The following SEZ6L2 variants were observed in gnomAD, a reference collection of about 807,000 sequenced individuals.
The protein encoded by SEZ6L2 is seizure 6-like protein 2.
A neutral mutation model predicts 97.0 loss-of-function variants in SEZ6L2; 44 were observed. That is an observed-to-expected ratio of 0.45 (90% confidence interval 0.36 to 0.58). The LOEUF is 0.58. Ranked by LOEUF, SEZ6L2 falls within the 20% of genes least tolerant of loss-of-function variation. The pLI, the probability that SEZ6L2 is intolerant of heterozygous loss-of-function variation, is 0.00. For missense variants in SEZ6L2, 1,086 were observed against 1,233.3 expected (o/e 0.88, Z 1.79); for synonymous variants, 543 against 546.1 (o/e 0.99, Z 0.08).
intron 5 of SEZ6L2, among the ~76,000 whole-genome samples, chr16:29,893,866 G>A (rs575356537): frequency 8.5e-5 from 13 of 152,120 alleles, no homozygotes; most frequent in Middle Eastern, 3.4e-3. Flanking sequence ...CACGCTGTTT[G>A]TGTTTTTGTT....
chr16:29,877,083 C>A, intron 11 of SEZ6L2, 133 bp from the exon 12 acceptor site: 1 of 1,121,520 alleles, frequency 8.9e-7, no homozygotes, highest in African/African-American at 1.6e-5. Context: ...GGTTTCCTGT[C>A]GCCCAGGCTG....
chr16:29,892,722 G>A (rs761516042), intron 5 of SEZ6L2, among the ~76,000 whole-genome samples: 3 of 152,218 alleles, frequency 2.0e-5, no homozygotes, highest in Admixed American at 6.5e-5. Flanking sequence ...AAGGCCATGC[G>A]GTGATGTGAA....
chr16:29,889,025 T>C (rs2068210752), intron 5 of SEZ6L2, among the ~76,000 whole-genome samples: 1 of 152,190 alleles, frequency 6.6e-6, no homozygotes, highest in African/African-American at 2.4e-5. Context: ...ACTCATTTGT[T>C]GTGTGACTTC....
At chr16:29,896,684 G>C (rs1431889218) in intron 3 of SEZ6L2, 138 bp downstream of exon 3, 4 of 721,404 alleles carry the variant, frequency 5.5e-6, no homozygotes, top group Non-Finnish European at 9.4e-6. Context: ...TAAGGGTACA[G>C]AAATGCTACC....
chr16:29,896,012 G>C lies in SEZ6L2; in HGVS notation c.512-152C>G, dbSNP rs2068380040. The C allele has an allele frequency of 7.6e-6, 6 of 790,274 alleles. No individual in the cohort carries two copies. In the South Asian group the frequency reaches 1.0e-4, roughly 13 times the overall value. 49.0% of individuals were successfully genotyped at this position (790,274 alleles called of 1,614,324 possible). The stretch of plus-strand genomic sequence containing the variant: ...GGGTCTCGCTCTGTCACCCAGGCTG[G>C]AGTGCAGTGGTGCAATCATGGCTCA... On this transcript the variant is annotated intron_variant, in intron 3 of 17. Transcript: ENST00000617533.
At chr16:29,890,951 T>C (rs1266612386) in intron 5 of SEZ6L2, among the ~76,000 whole-genome samples, 1 of 151,372 alleles carries the variant, frequency 6.6e-6, no homozygotes, top group East Asian at 1.9e-4. Flanking sequence ...TTTATTATTA[T>C]TATTTTTTGA....
Position 29,873,524 on chromosome 16 carries a change from T to G in SEZ6L2, c.2296+14A>C. 1 of 1,614,110 alleles carries G rather than the reference T, an allele frequency of 6.2e-7. No individual in the cohort carries two copies. Among genetic ancestry groups the G allele is most frequent in the Non-Finnish European group, 8.5e-7 (1 of 1,179,990 alleles). ...GCTACCCAGCCACCCTCCCAGGGTGTGCCCCAGACTCACAGGCGCATTTGG... is the reference window on the plus strand; with the variant it reads ...GCTACCCAGCCACCCTCCCAGGGTGGGCCCCAGACTCACAGGCGCATTTGG... On this transcript the variant is annotated intron_variant, in intron 13 of 17. Coordinates refer to ENST00000617533, the MANE Select transcript of SEZ6L2 (RefSeq NM_001243332.2). This position sits in a 1 kb window ranked among gnomAD's most constrained non-coding sequence, Gnocchi z 4.3.
At chr16:29,895,647 C>A in intron 4 of SEZ6L2, 74 bp downstream of exon 4, 1 of 1,532,144 alleles carries the variant, frequency 6.5e-7, no homozygotes, top group Non-Finnish European at 8.8e-7. Flanking sequence ...GGCTCCCAGG[C>A]CAAACCCGTG....
intron 6 of SEZ6L2, 143 bp from the exon 7 acceptor site, chr16:29,887,960 C>G: frequency 1.2e-6 from 1 of 860,610 alleles, no homozygotes; most frequent in Non-Finnish European, 1.7e-6. Context: ...CATGGAGTCA[C>G]TCCAGAGGAT....
chr16:29,882,638 C>A (rs1387243344), intron 8 of SEZ6L2, among the ~76,000 whole-genome samples: 1 of 151,630 alleles, frequency 6.6e-6, no homozygotes, highest in African/African-American at 2.4e-5. Context: ...TAGGCTGGAG[C>A]GTGCAATGGT....
intron 5 of SEZ6L2, among the ~76,000 whole-genome samples, chr16:29,892,919 T>C (rs960861026): frequency 6.6e-6 from 1 of 152,224 alleles, no homozygotes; most frequent in Admixed American, 6.5e-5. Context: ...GTGCAGGTCA[T>C]CTGTCATAGG....
chr16:29,889,153 T>C (rs1455721087), intron 5 of SEZ6L2, among the ~76,000 whole-genome samples: 1 of 152,190 alleles, frequency 6.6e-6, no homozygotes, highest in East Asian at 1.9e-4. Flanking sequence ...ACAAAGATTA[T>C]GTGACCTGGC....
In SEZ6L2 at chr16:29,880,038, G is replaced by T; in HGVS notation, c.1399C>A (p.Pro467Thr). Residue 467 changes from proline (P) to threonine (T), a missense_variant, in exon 9 of 18, where the codon CCC (proline) becomes ACC (threonine). Coordinates refer to ENST00000617533, the MANE Select transcript of SEZ6L2 (RefSeq NM_001243332.2). ...GTGACATTTCCATGTGCCAGGAAGG[G>T]GGCGAAGCAGCGATCCTCCTCAAAG... ...EAFEEDRCFA[P>T]FLAHGNVTTT... The T allele has an allele frequency of 1.2e-6, 2 of 1,614,196 alleles. No individual in the cohort carries two copies. Among genetic ancestry groups the T allele is most frequent in the Non-Finnish European group, 1.7e-6 (2 of 1,180,016 alleles).
chr16:29,881,513 A>G (rs955563348), intron 8 of SEZ6L2, among the ~76,000 whole-genome samples: 1 of 152,152 alleles, frequency 6.6e-6, no homozygotes, highest in Non-Finnish European at 1.5e-5. Context: ...AAGTCAGCAA[A>G]AGTGAACATT....
At position 29,873,576 on chromosome 16, in the gene SEZ6L2, C is replaced by T; in HGVS notation, c.2258G>A (p.Gly753Asp). 1 of 1,614,172 alleles carries T rather than the reference C, an allele frequency of 6.2e-7. No individual in the cohort carries two copies. Among genetic ancestry groups the T allele is most frequent in the Non-Finnish European group, 8.5e-7 (1 of 1,180,016 alleles). Reference sequence around the variant, plus strand: ...GACCCTATCGCTCCACTTGGGTGTGCCTGTGTCCCGGCTGTAGCAGGTGAG... The same window carrying T: ...GACCCTATCGCTCCACTTGGGTGTGTCTGTGTCCCGGCTGTAGCAGGTGAG... Reference protein sequence around the residue: ...AMLTCYSRDTGTPKWSDRVPK... With the variant: ...AMLTCYSRDTDTPKWSDRVPK... Residue 753 changes from glycine to aspartate, a missense_variant, in exon 13 of 18, where the codon GGC becomes GAC. Physicochemically the swap from Gly to Asp is moderately conservative, Grantham distance 94 (BLOSUM62 -1). Around this residue, in one of 2 missense-constraint regions of SEZ6L2, gnomAD observed 310 missense variants for 438.6 expected, o/e 0.71. Transcript: ENST00000617533. The surrounding 1 kb of genome is among the most constrained non-coding windows in gnomAD (Gnocchi z 4.3).
At chr16:29,882,010 G>A (rs1473692028) in intron 8 of SEZ6L2, among the ~76,000 whole-genome samples, 4 of 146,862 alleles carry the variant, frequency 2.7e-5, no homozygotes, top group Admixed American at 2.1e-4. Context: ...TCGCTCTGTC[G>A]CCCAGGCTGG....
At chr16:29,888,807 T>C in intron 5 of SEZ6L2, 82 bp from the exon 6 acceptor site, 1 of 1,289,662 alleles carries the variant, frequency 7.8e-7, no homozygotes. Context: ...TTCCCCCCTC[T>C]CCTTTCAGGC....
intron 2 of SEZ6L2, 87 bp from the exon 3 acceptor site, chr16:29,897,208 C>T: frequency 8.4e-7 from 1 of 1,195,934 alleles, no homozygotes; most frequent in Non-Finnish European, 1.1e-6. Flanking sequence ...GCTAGGGGTT[C>T]CCCTGCCATA....
Position 29,873,283 on chromosome 16 carries a change from G to A in SEZ6L2, c.2445C>T (p.Pro815=), listed in dbSNP as rs766855933. ...GGCTGGTCCACTGGGAGGGGTGGCC[G>A]GGCACACAGGTGATGGTGACCTCGC... ...LIGEVTITCV[P]GHPSQWTSQP... The change falls in exon 14 of 18, where the codon CCC becomes CCT. Residue 815 remains proline, a synonymous_variant. Coordinates refer to ENST00000617533, the MANE Select transcript of SEZ6L2 (RefSeq NM_001243332.2). The surrounding 1 kb of genome is among the most constrained non-coding windows in gnomAD (Gnocchi z 4.3). 8 of 1,614,012 alleles carry A rather than the reference G, an allele frequency of 5.0e-6. No individual in the cohort carries two copies. Among genetic ancestry groups the A allele is most frequent in the Admixed American group, 3.3e-5 (2 of 60,008 alleles).
Sources: allele counts gnomAD v4.1 joint callset (sites outside exome capture counted in the v4.1 genomes callset), GRCh38; gene constraint gnomAD v4.1.1; regional missense constraint gnomAD v4.1.1; non-coding constraint Gnocchi (gnomAD v3.1); transcripts MANE v1.5; gene names NCBI Gene and HGNC (gene_info 2026-07-23, HGNC 2026-07-21).